The following ZNF154 variants were observed in gnomAD, a reference collection of about 807,000 sequenced individuals.
The protein encoded by ZNF154 is zinc finger protein 154 (pHZ-92).
A neutral mutation model predicts 7.5 loss-of-function variants in ZNF154; 6 were observed. The ratio of observed to expected loss-of-function variants is 0.80; its 90% CI spans 0.44 to 1.57. The LOEUF (loss-of-function observed/expected upper bound fraction) is 1.57, where lower values mean the gene tolerates loss of function less well. Among genes scored for constraint, ZNF154 ranks in the 40% most tolerant of loss-of-function variants. The probability of loss-of-function intolerance (pLI) is 0.01; values close to 1 mark genes in which losing one functional copy is unlikely to be tolerated. For missense variants in ZNF154, 485 were observed against 531.4 expected, an observed-to-expected ratio of 0.91 and a Z score of 0.86; for synonymous variants, 187 against 185.9, an observed-to-expected ratio of 1.01 and a Z score of -0.05.
Position 57,701,791 on chromosome 19 carries a change from C to T in ZNF154, c.1158G>A (p.Glu386=), listed in dbSNP as rs564405661. The change falls in exon 3 of 3, where the codon GAG becomes GAA. Residue 386 remains glutamate (E), a synonymous_variant. Coordinates refer to ENST00000684351, the MANE Select transcript of ZNF154 (RefSeq NM_001085384.3). ...QRVHTGSRPY[E]CSECGKSFTQ... ...TAAAGGATTTCCCACATTCACTGCA[C>T]TCATAGGGTCTTGATCCAGTGTGAA... is the stretch of plus-strand genomic sequence containing the variant. The T allele has an allele frequency of 1.1e-5, 17 of 1,614,102 alleles. No individual in the cohort carries two copies. In the African/African-American group the frequency reaches 2.0e-4, roughly 19 times the overall value.
intron 1 of ZNF154, 136 bp from the exon 2 acceptor site, chr19:57,705,115 A>G (rs1207651416): frequency 2.4e-6 from 3 of 1,241,310 alleles, no homozygotes; most frequent in East Asian, 2.5e-5. Context: ...CACATGGATA[A>G]ATAGGCATCT....
intron 1 of ZNF154, among the ~76,000 whole-genome samples, chr19:57,707,170 C>G (rs1985429566): frequency 6.6e-6 from 1 of 151,514 alleles, no homozygotes; most frequent in African/African-American, 2.4e-5. Flanking sequence ...AGCTCACTCA[C>G]CTTAGTCCAC....
At position 57,701,773 on chromosome 19, in the gene ZNF154, T is replaced by C; in HGVS notation, c.1176A>G (p.Lys392=). ...TGAGGCCGGAATTTTGAGTAAAGGATTTCCCACATTCACTGCACTCATAGG... is the reference window on the plus strand; with the variant it reads ...TGAGGCCGGAATTTTGAGTAAAGGACTTCCCACATTCACTGCACTCATAGG... The part of the protein sequence containing the change: ...SRPYECSECG[K]SFTQNSGLIK... The change falls in exon 3 of 3, where the codon AAA becomes AAG. Residue 392 remains lysine (K), a synonymous_variant. Coordinates refer to ENST00000684351, the MANE Select transcript of ZNF154 (RefSeq NM_001085384.3). 6.2e-7 allele frequency: 1 copy of C among 1,613,978 alleles called. No individual in the cohort carries two copies. Among genetic ancestry groups the C allele is most frequent in the South Asian group, 1.1e-5 (1 of 91,060 alleles).
chr19:57,708,517 G>A (rs972956397), intron 1 of ZNF154, among the ~76,000 whole-genome samples: 1 of 152,064 alleles, frequency 6.6e-6, no homozygotes, highest in Non-Finnish European at 1.5e-5. Flanking sequence ...AGGTTGCAGT[G>A]ACCCGAGATC....
In ZNF154 at chr19:57,707,846, G is replaced by A. The variant is rs1397358460; in HGVS notation, c.33+1093C>T. Among the ~76,000 whole-genome samples the A allele has an allele frequency of 3.3e-5, 5 of 152,182 alleles. No individual in the cohort carries two copies. In the East Asian group the frequency reaches 7.7e-4, roughly 23 times the overall value. ...GGCTGACAAAAATGGGAACACCTCA[G>A]TATAACCCCTGTAACCTCTGGCATG... On this transcript the variant is annotated intron_variant, in intron 1 of 2. Transcript: ENST00000684351.
intron 1 of ZNF154, among the ~76,000 whole-genome samples, chr19:57,706,833 C>T (rs12975627): frequency 0.16 from 23,903 of 152,194 alleles, 1,950 homozygotes; most frequent in Non-Finnish European, 0.17. Flanking sequence ...CCTTGTAGGC[C>T]GGATGCGGTG....
intron 2 of ZNF154, among the ~76,000 whole-genome samples, chr19:57,703,346 C>T (rs563842222): frequency 6.1e-4 from 93 of 151,844 alleles, no homozygotes; most frequent in African/African-American, 2.2e-3. Flanking sequence ...ATTAGCTGGA[C>T]ATGGTGGTGG....
In ZNF154 at chr19:57,701,798, G is replaced by A. The variant is rs34746514; in HGVS notation, c.1151C>T (p.Pro384Leu). The A allele has an allele frequency of 5.7e-4, 925 of 1,614,140 alleles. 5 individuals are homozygous for A. The African/African-American group carries it at 0.011, about 20-fold the overall frequency. The change falls in exon 3 of 3, where the codon CCC becomes CTC. Residue 384 changes from proline (P) to leucine (L), a missense_variant. Transcript: ENST00000684351. ...TTTCCCACATTCACTGCACTCATAG[G>A]GTCTTGATCCAGTGTGAACTCTCTG... is the stretch of plus-strand genomic sequence containing the variant. ...KHQRVHTGSR[P>L]YECSECGKSF... is the part of the protein sequence containing the mutation.
At chr19:57,707,476 C>T (rs949493821) in intron 1 of ZNF154, among the ~76,000 whole-genome samples, 2 of 152,206 alleles carry the variant, frequency 1.3e-5, no homozygotes, top group African/African-American at 4.8e-5. Flanking sequence ...AACACATCTC[C>T]TAATCAATGA....
At chr19:57,703,579 G>T (rs1359885319) in intron 2 of ZNF154, among the ~76,000 whole-genome samples, 1 of 151,896 alleles carries the variant, frequency 6.6e-6, no homozygotes, top group African/African-American at 2.4e-5. Flanking sequence ...AGAGAGGCAG[G>T]GTCTAAAACT....
In ZNF154 at chr19:57,702,535, G is replaced by A. The variant is rs1985217426; in HGVS notation, c.414C>T (p.His138=). 6.2e-7 allele frequency: 1 copy of A among 1,613,970 alleles called. No homozygotes were observed. The highest frequency in any genetic ancestry group is 1.1e-5 in the South Asian group (1 of 91,088). The change falls in exon 3 of 3, where the codon CAC becomes CAT. Residue 138 remains histidine, a synonymous_variant. Transcript: ENST00000684351. ...RGKTHYNCGE[H]TKAFSGKHTL... ...TGTGTTTACCGCTGAATGCTTTTGT[G>A]TGTTCTCCACAGTTGTAATGAGTTT...
rs763878113 is a variant in ZNF154 at position 57,699,055 on chromosome 19, G to C, written c.*2580C>G. 6.6e-6 allele frequency: 1 copy of C among 152,048 alleles called. No individual in the cohort carries two copies. Among genetic ancestry groups the C allele is most frequent in the Non-Finnish European group, 1.5e-5 (1 of 68,096 alleles). The allele number at this position is 152,048 out of a possible 1,614,324, so 9.4% of individuals were successfully genotyped here. ...GATCCACCCACCTCGGCCTCCCAAA[G>C]TGCTGGGATTACAGGTGTAAGCCAC... On this transcript the variant is annotated 3_prime_UTR_variant, in exon 3 of 3. Coordinates refer to ENST00000684351, the MANE Select transcript of ZNF154 (RefSeq NM_001085384.3).
chr19:57,708,334 G>C (rs1048452875), intron 1 of ZNF154, among the ~76,000 whole-genome samples: 3 of 152,166 alleles, frequency 2.0e-5, no homozygotes, highest in Non-Finnish European at 4.4e-5. Flanking sequence ...TTGGGAGGCC[G>C]AGGCAGGAGG....
rs1340331807 is a variant in ZNF154 at position 57,704,829 on chromosome 19, C to T, written c.160+24G>A. The T allele has an allele frequency of 9.3e-6, 15 of 1,606,566 alleles. No individual in the cohort carries two copies. The East Asian group carries it at 1.1e-4, about 12-fold the overall frequency. On this transcript the variant is annotated intron_variant, in intron 2 of 2. Transcript: ENST00000684351. ...GAAGGGCACAGACTAGCTCAGGGCACAGGAAAGGGTAAAAGAACCTTACCT... is the reference window on the plus strand; with the variant it reads ...GAAGGGCACAGACTAGCTCAGGGCATAGGAAAGGGTAAAAGAACCTTACCT...
Position 57,708,948 on chromosome 19 carries a change from C to A in ZNF154, c.24G>T (p.Thr8=). Residue 8 remains threonine (T), a synonymous_variant, in exon 1 of 3, where the codon ACG becomes ACT. Transcript: ENST00000684351. ...AAGACGCCGCACTCACCTGAGTTGG[C>A]GTCCTCAGAGTGGCCGCTGCCATCA... The part of the protein sequence containing the change: MAAATLR[T]PTQGTVTFED... 1 of 1,561,192 alleles carries A rather than the reference C, an allele frequency of 6.4e-7. No homozygotes were observed. The highest frequency in any genetic ancestry group is 8.7e-7 in the Non-Finnish European group (1 of 1,153,234).
intron 1 of ZNF154, among the ~76,000 whole-genome samples, chr19:57,707,947 A>G (rs1017558839): frequency 1.3e-4 from 20 of 152,170 alleles, no homozygotes; most frequent in African/African-American, 4.3e-4. Context: ...TAAGAATACT[A>G]GGAAACCACA....
chr19:57,705,587 CT>C (rs1378500579), intron 1 of ZNF154, among the ~76,000 whole-genome samples: 1 of 151,980 alleles, frequency 6.6e-6, no homozygotes, highest in East Asian at 1.9e-4. Flanking sequence ...AACCCCATCT[CT>C]ACTAAAAATA....
rs1244196098 is a variant in ZNF154 at position 57,698,751 on chromosome 19, G to C, written c.*2884C>G. ...TTTTTTTGCTGACTTACTACTTGCT[G>C]TTTATGTTTATTTTAGACTATGGAA... On this transcript the variant is annotated 3_prime_UTR_variant, in exon 3 of 3. Transcript: ENST00000684351. 6.6e-6 allele frequency: 1 copy of C among 152,088 alleles called. No individual in the cohort carries two copies. Among genetic ancestry groups the C allele is most frequent in the East Asian group, 1.9e-4 (1 of 5,200 alleles). The allele number at this position is 152,088 out of a possible 1,614,324, so 9.4% of individuals were successfully genotyped here.
In ZNF154 at chr19:57,696,734, C is replaced by T. The variant is rs1156843501; in HGVS notation, c.*4901G>A. 1.3e-5 allele frequency among the ~76,000 whole-genome samples: 2 copies of T among 152,082 alleles called. No homozygotes were observed. Among genetic ancestry groups the T allele is most frequent in the African/African-American group, 2.4e-5 (1 of 41,404 alleles). On this transcript the variant is annotated 3_prime_UTR_variant, in exon 3 of 3. Coordinates refer to ENST00000684351, the MANE Select transcript of ZNF154 (RefSeq NM_001085384.3). ...AGGCAGAGTGGCAAAGACAAGAGAC[C>T]CACAGCACCCAGGAAATCCCTCAGC...
Sources: gnomAD v4.1 joint callset for allele counts (sites outside exome capture counted in the v4.1 genomes callset) on GRCh38, gnomAD v4.1.1 for gene constraint, MANE v1.5 for transcripts, NCBI Gene and HGNC (gene_info 2026-07-23, HGNC 2026-07-21) for gene names.